Variants in TNNT3 observed in about 807,000 individuals in gnomAD.
TNNT3 encodes troponin T3, fast skeletal type.
Under a neutral mutation model 54.2 loss-of-function variants are expected in TNNT3, and 36 were observed. The observed-to-expected ratio is 0.66, with a 90% CI of 0.51 to 0.88. TNNT3 has a LOEUF of 0.88. Among genes scored for constraint, TNNT3 ranks in the 40% least tolerant of loss-of-function variants. The pLI, the probability that TNNT3 is intolerant of heterozygous loss-of-function variation, is 0.00. For synonymous variants in TNNT3, 120 were observed against 109.7 expected, an observed-to-expected ratio of 1.09 and a Z score of -0.59; for missense variants, 291 against 331.6, an observed-to-expected ratio of 0.88 and a Z score of 0.95.
rs114514778 is a variant in TNNT3 at position 1,930,174 on chromosome 11, A to C, written c.125+346A>C. ...AGGGCTTCCTGTAGGAGGAGGCTGC[A>C]GACGAGGAAGGAGGGAGGAGAGGTG... On this transcript the variant is annotated intron_variant, in intron 8 of 15. Transcript: ENST00000278317. Among the ~76,000 whole-genome samples the C allele has an allele frequency of 5.2e-3, 796 of 152,234 alleles. 9 individuals carry two copies. The highest frequency in any genetic ancestry group is 0.018 in the African/African-American group (764 of 41,520).
intron 6 of TNNT3, 99 bp from the exon 7 acceptor site, chr11:1,929,021 T>A: frequency 7.4e-7 from 1 of 1,355,226 alleles, no homozygotes; most frequent in Non-Finnish European, 1.0e-6. Flanking sequence ...GTGAGAGGGG[T>A]GGGCCCCTTG....
chr11:1,925,385 C>A, intron 5 of TNNT3: 1 of 1,335,384 alleles, frequency 7.5e-7, no homozygotes, highest in Non-Finnish European at 1.0e-6. Context: ...GAGGTACCAG[C>A]CAGCCAAGGG....
rs1590035508 is a variant in TNNT3, at chr11:1,938,697, A to T, written c.*205A>T. 1 of 674,260 alleles carries T rather than the reference A, an allele frequency of 1.5e-6. No homozygotes were observed. Among genetic ancestry groups the T allele is most frequent in the South Asian group, 1.5e-5 (1 of 66,580 alleles). 41.8% of individuals were successfully genotyped at this position (674,260 alleles called of 1,614,324 possible). A position where few individuals can be genotyped will look rare whatever the true frequency, so the allele number is the denominator to read the frequency against. On this transcript the variant is annotated 3_prime_UTR_variant, in exon 16 of 16. Transcript: ENST00000278317. ...TGGGGCCTGTGAATAAAGCTGCAGAACCCCCTTCACAGTCTGTACTTGCTT... is the reference window on the plus strand; with the variant it reads ...TGGGGCCTGTGAATAAAGCTGCAGATCCCCCTTCACAGTCTGTACTTGCTT...
chr11:1,929,030 TG>T, intron 6 of TNNT3, 89 bp from the exon 7 acceptor site: 1 of 1,473,696 alleles, frequency 6.8e-7, no homozygotes, highest in Non-Finnish European at 9.4e-7. Flanking sequence ...GTGGGCCCCT[TG>T]CCCGCCACAG....
chr11:1,924,795 G>C (rs1011752340), intron 4 of TNNT3: 3 of 577,348 alleles, frequency 5.2e-6, no homozygotes, highest in Non-Finnish European at 9.3e-6. Flanking sequence ...GTGCACAGGC[G>C]CCTCCAGGCA....
At chr11:1,936,437 G>GT (rs1439170775) in intron 14 of TNNT3, among the ~76,000 whole-genome samples, 1 of 152,206 alleles carries the variant, frequency 6.6e-6, no homozygotes, top group Non-Finnish European at 1.5e-5. Flanking sequence ...CCGCTGCCCT[G>GT]TTGGCAAGCG....
chr11:1,922,799 A>G, intron 1 of TNNT3, 58 bp from the exon 2 acceptor site: 1 of 1,553,330 alleles, frequency 6.4e-7, no homozygotes. Context: ...ACACCCAGGC[A>G]GCTCGTAACT....
At chr11:1,935,921 T>A (rs1012823289) in intron 14 of TNNT3, among the ~76,000 whole-genome samples, 1 of 151,860 alleles carries the variant, frequency 6.6e-6, no homozygotes, top group Non-Finnish European at 1.5e-5. Flanking sequence ...TTACACTCCC[T>A]CCCAGAGCTG....
In TNNT3 at chr11:1,925,551, A is replaced by G. The variant is rs1207512548; in HGVS notation, c.67+435A>G. Among the ~76,000 whole-genome samples, 3 of 152,114 alleles carry G rather than the reference A, an allele frequency of 2.0e-5. No individual in the cohort carries two copies. In the East Asian group the frequency reaches 5.8e-4, roughly 29 times the overall value. Reference sequence around the variant, plus strand: ...GGTGCAGGCTGGGCTGCTGGTCAGCAGGGTGTCCCCAAGCATGGGGCAGAG... The same window carrying G: ...GGTGCAGGCTGGGCTGCTGGTCAGCGGGGTGTCCCCAAGCATGGGGCAGAG... On this transcript the variant is annotated intron_variant, in intron 5 of 15. Coordinates refer to ENST00000278317, the MANE Select transcript of TNNT3 (RefSeq NM_006757.4).
rs562840875 is a variant in TNNT3 at position 1,938,645 on chromosome 11, G to C, written c.*153G>C. ...GAGGCCATCCCGGGGCGTCCCCCGC[G>C]TCTGTGTCCTTGCTGCCTTCATCCC... On this transcript the variant is annotated 3_prime_UTR_variant, in exon 16 of 16. Transcript: ENST00000278317. 2 of 777,302 alleles carry C rather than the reference G, an allele frequency of 2.6e-6. No individual in the cohort carries two copies. Among genetic ancestry groups the C allele is most frequent in the Non-Finnish European group, 4.5e-6 (2 of 444,680 alleles). 48.2% of individuals were successfully genotyped at this position (777,302 alleles called of 1,614,324 possible). A position where few individuals can be genotyped will look rare whatever the true frequency, so the allele number is the denominator to read the frequency against.
intron 6 of TNNT3, among the ~76,000 whole-genome samples, chr11:1,926,913 A>T (rs1347202002): frequency 1.3e-5 from 2 of 152,182 alleles, no homozygotes; most frequent in Non-Finnish European, 2.9e-5. Context: ...TCTCCCAGGC[A>T]GAGAGGATTG....
At chr11:1,936,065 G>C (rs942999070) in intron 14 of TNNT3, 1 of 822,360 alleles carries the variant, frequency 1.2e-6, no homozygotes, top group African/African-American at 1.7e-5. Flanking sequence ...AGCTGAATCA[G>C]GGACCCACTG....
chr11:1,930,868 G>T (rs1403388162), intron 8 of TNNT3, among the ~76,000 whole-genome samples: 1 of 152,112 alleles, frequency 6.6e-6, no homozygotes, highest in Non-Finnish European at 1.5e-5. Context: ...CCTCATGAAA[G>T]AAAATTTGGA....
At chr11:1,934,689 G>A (rs556526806) in intron 13 of TNNT3, 34 bp downstream of exon 13, 20 of 1,604,740 alleles carry the variant, frequency 1.2e-5, no homozygotes, top group Middle Eastern at 1.7e-4. Flanking sequence ...TCAGCCCCAC[G>A]GGGTGGCCCC....
chr11:1,930,731 G>A (rs1380168142), intron 8 of TNNT3, among the ~76,000 whole-genome samples: 1 of 152,124 alleles, frequency 6.6e-6, no homozygotes, highest in Non-Finnish European at 1.5e-5. Flanking sequence ...CATCTGAAGG[G>A]TACAGCCGGC....
intron 9 of TNNT3, among the ~76,000 whole-genome samples, chr11:1,932,847 T>TCCATCCAG (rs1409459544): frequency 7.0e-6 from 1 of 143,480 alleles, no homozygotes; most frequent in Non-Finnish European, 1.5e-5. Flanking sequence ...CACCTACCCA[T>TCCATCCAG]CCATCCATCC....
intron 14 of TNNT3, 89 bp downstream of exon 14, chr11:1,935,008 G>A: frequency 7.8e-7 from 1 of 1,278,088 alleles, no homozygotes; most frequent in South Asian, 1.2e-5. Flanking sequence ...CCAAACTCTG[G>A]ACCTGCCCAC....
chr11:1,936,535 G>A (rs1004524608), intron 14 of TNNT3, among the ~76,000 whole-genome samples: 4 of 152,302 alleles, frequency 2.6e-5, no homozygotes, highest in Non-Finnish European at 4.4e-5. Context: ...GGGCGGGAGC[G>A]GCTGGCCCAG....
chr11:1,937,734 G>A (rs556640847), intron 15 of TNNT3, among the ~76,000 whole-genome samples: 87 of 152,314 alleles, frequency 5.7e-4, no homozygotes, highest in African/African-American at 2.1e-3. Context: ...CGCCCAGGGC[G>A]GGCTCCTCCG....
Sources: gnomAD v4.1 joint callset for allele counts (sites outside exome capture counted in the v4.1 genomes callset) on GRCh38, gnomAD v4.1.1 for gene constraint, MANE v1.5 for transcripts, NCBI Gene and HGNC (gene_info 2026-07-23, HGNC 2026-07-21) for gene names.